Variants in EXT1 observed in about 807,000 individuals in gnomAD.
EXT1 encodes exostosin-1.
EXT1 carries 20 observed loss-of-function variants against 82.5 expected under a neutral mutation model. The observed-to-expected ratio is 0.24, with a 90% CI of 0.17 to 0.35. The LOEUF is 0.35. EXT1 is among the 10% of genes least tolerant of loss of function. EXT1 has a pLI of 1.00. For synonymous variants in EXT1, 348 were observed against 350.8 expected (o/e 0.99, Z 0.09); for missense variants, 757 against 936.5 (o/e 0.81, Z 2.50).
intron 1 of EXT1, among the ~76,000 whole-genome samples, chr8:117,976,415 T>A (rs1815066130): frequency 6.6e-6 from 1 of 152,334 alleles, no homozygotes; most frequent in South Asian, 2.1e-4. Flanking sequence ...TCTGGCATAT[T>A]CATAAAACGA....
In EXT1 at chr8:117,845,717, T is replaced by C. The variant is rs1302280836; in HGVS notation, c.963-8516A>G. The stretch of plus-strand genomic sequence containing the variant: ...CCCACATCCTTCCCAGTCCCCAAAG[T>C]ATTGAGATGACAGGCATGAGCCACC... On this transcript the variant is annotated intron_variant, in intron 1 of 10. Transcript: ENST00000378204. Among the ~76,000 whole-genome samples, 4 of 151,856 alleles carry C rather than the reference T, an allele frequency of 2.6e-5. No homozygotes were observed. In the East Asian group the frequency reaches 7.7e-4, roughly 29 times the overall value.
chr8:117,904,032 T>G (rs1437767063), intron 1 of EXT1, among the ~76,000 whole-genome samples: 1 of 152,210 alleles, frequency 6.6e-6, no homozygotes, highest in Non-Finnish European at 1.5e-5. Context: ...TTTAATTAAC[T>G]AGAACATAAA....
Position 117,928,660 on chromosome 8 carries a change from T to G in EXT1, c.963-91459A>C, listed in dbSNP as rs138643400. On this transcript the variant is annotated intron_variant, in intron 1 of 10. Transcript: ENST00000378204. ...GCTGAGAGATCTTGCTTGCAACTGGTTCAGATATCACATCTAATAATTTCC... is the reference window on the plus strand; with the variant it reads ...GCTGAGAGATCTTGCTTGCAACTGGGTCAGATATCACATCTAATAATTTCC... Among the ~76,000 whole-genome samples the G allele has an allele frequency of 9.9e-4, 150 of 152,144 alleles. 3 individuals carry two copies. In the East Asian group the frequency reaches 0.028, roughly 28 times the overall value.
chr8:118,081,746 C>T (rs1817334947), intron 1 of EXT1, among the ~76,000 whole-genome samples: 1 of 152,000 alleles, frequency 6.6e-6, no homozygotes, highest in Non-Finnish European at 1.5e-5. Context: ...TTTTAATAGC[C>T]CCATTTAATT....
chr8:117,910,787 T>C (rs577324214), intron 1 of EXT1, among the ~76,000 whole-genome samples: 23 of 152,178 alleles, frequency 1.5e-4, no homozygotes, highest in Non-Finnish European at 2.9e-4. Flanking sequence ...GCAAACTCTT[T>C]CCACATAATC....
At chr8:118,107,768 G>A (rs1175799645) in intron 1 of EXT1, among the ~76,000 whole-genome samples, 1 of 152,132 alleles carries the variant, frequency 6.6e-6, no homozygotes, top group Non-Finnish European at 1.5e-5. Flanking sequence ...AAATAATTCT[G>A]CTAACCCACT....
At chr8:118,052,897 T>C (rs1383091377) in intron 1 of EXT1, among the ~76,000 whole-genome samples, 3 of 152,196 alleles carry the variant, frequency 2.0e-5, no homozygotes, top group Admixed American at 6.5e-5. Flanking sequence ...TTTGTGTGCT[T>C]GGAATGTGAA....
chr8:118,043,315 G>A (rs771046165), intron 1 of EXT1, among the ~76,000 whole-genome samples: 21 of 152,152 alleles, frequency 1.4e-4, no homozygotes, highest in Non-Finnish European at 1.3e-4. Flanking sequence ...TTTTTAAAAC[G>A]AAGAGACACT....
chr8:117,971,978 C>CTA (rs1190625598), intron 1 of EXT1, among the ~76,000 whole-genome samples: 1 of 152,090 alleles, frequency 6.6e-6, no homozygotes, highest in Non-Finnish European at 1.5e-5. Flanking sequence ...TGGAGAAACC[C>CTA]TGTTTCTTCT....
chr8:118,099,728 G>T (rs1235542451), intron 1 of EXT1, among the ~76,000 whole-genome samples: 1 of 152,242 alleles, frequency 6.6e-6, no homozygotes, highest in Non-Finnish European at 1.5e-5. Flanking sequence ...AAAGATTAAA[G>T]AAGATACTTC....
intron 1 of EXT1, among the ~76,000 whole-genome samples, chr8:117,847,766 T>C (rs1812386361): frequency 6.6e-6 from 1 of 152,198 alleles, no homozygotes; most frequent in African/African-American, 2.4e-5. Context: ...TAGGAGGATG[T>C]TTGGCATTCC....
At chr8:117,828,515 AAAAG>A (rs1408859329) in intron 4 of EXT1, among the ~76,000 whole-genome samples, 2 of 152,134 alleles carry the variant, frequency 1.3e-5, no homozygotes, top group Admixed American at 6.5e-5. Context: ...CTAAAAAAAA[AAAAG>A]AAAGGCACTC....
rs17504946 is a variant in EXT1, at chr8:117,975,630, C to T, written c.962+134455G>A. ...CACTCCCTTCCTCCCCTCTAACATG[C>T]GGGGCAATGCTTGCTTAAAGGACAT... On this transcript the variant is annotated intron_variant, in intron 1 of 10. Coordinates refer to ENST00000378204, the MANE Select transcript of EXT1 (RefSeq NM_000127.3). Among the ~76,000 whole-genome samples, 629 of 152,170 alleles carry T rather than the reference C, an allele frequency of 4.1e-3. 5 individuals are homozygous for T. The highest frequency in any genetic ancestry group is 0.014 in the African/African-American group (591 of 41,508).
chr8:117,970,731 G>A (rs1411719070), intron 1 of EXT1, among the ~76,000 whole-genome samples: 2 of 152,168 alleles, frequency 1.3e-5, no homozygotes, highest in African/African-American at 4.8e-5. Context: ...CAACTTAGCA[G>A]TTACAAACTT....
At chr8:118,037,379 C>CT (rs5894410) in intron 1 of EXT1, among the ~76,000 whole-genome samples, 3,382 of 138,938 alleles carry the variant, frequency 0.024, 105 homozygotes, top group African/African-American at 0.08. Context: ...AAAAAGATTC[C>CT]TTTTTTTTTT....
At chr8:118,064,334 C>T (rs1563644675) in intron 1 of EXT1, among the ~76,000 whole-genome samples, 1 of 152,120 alleles carries the variant, frequency 6.6e-6, no homozygotes, top group Non-Finnish European at 1.5e-5. Flanking sequence ...CCCCTAGCTC[C>T]CACCCCTTGA....
At chr8:118,027,319 A>T (rs1464482415) in intron 1 of EXT1, among the ~76,000 whole-genome samples, 1 of 57,184 alleles carries the variant, frequency 1.7e-5, no homozygotes, top group African/African-American at 1.1e-4. Flanking sequence ...TCTTTCACAC[A>T]CACACACACA....
At chr8:117,817,846 C>A in intron 7 of EXT1, among the ~76,000 whole-genome samples, 1 of 152,094 alleles carries the variant, frequency 6.6e-6, no homozygotes, top group African/African-American at 2.4e-5. Flanking sequence ...GAGAAAAAGG[C>A]CGGGAGATGA....
intron 1 of EXT1, among the ~76,000 whole-genome samples, chr8:118,044,798 C>T (rs557058728): frequency 3.3e-5 from 5 of 152,294 alleles, no homozygotes; most frequent in South Asian, 4.1e-4. Flanking sequence ...CTCGGTCTCC[C>T]GAGTAGCTGG....
Sources: gnomAD v4.1 joint callset for allele counts (sites outside exome capture counted in the v4.1 genomes callset) on GRCh38, gnomAD v4.1.1 for gene constraint, MANE v1.5 for transcripts, NCBI Gene and HGNC (gene_info 2026-07-23, HGNC 2026-07-21) for gene names.